SCD5: variants seen among roughly 807,000 people sequenced by gnomAD.
SCD5 encodes acyl-CoA-desaturase 4.
SCD5 carries 20 observed loss-of-function variants against 30.4 expected under a neutral mutation model. The observed-to-expected ratio is 0.66, with a 90% CI of 0.46 to 0.96. The LOEUF (loss-of-function observed/expected upper bound fraction) is 0.96. SCD5 is among the 40% of genes least tolerant of loss of function. SCD5 has a pLI of 0.00. For synonymous variants in SCD5, 173 were observed against 176.4 expected (o/e 0.98, Z 0.16); for missense variants, 381 against 443.3 (o/e 0.86, Z 1.26).
intron 3 of SCD5, among the ~76,000 whole-genome samples, chr4:82,657,818 C>T (rs1049582384): frequency 1.3e-5 from 2 of 152,134 alleles, no homozygotes; most frequent in African/African-American, 2.4e-5. Flanking sequence ...CCTTCACATC[C>T]CTTGTGAGTT....
At chr4:82,724,403 G>C (rs7656885) in intron 1 of SCD5, among the ~76,000 whole-genome samples, 17,307 of 152,116 alleles carry the variant, frequency 0.11, 1,233 homozygotes, top group African/African-American at 0.2. Context: ...GATTGCTGGA[G>C]CCCAGGAGTT....
At chr4:82,699,912 G>A (rs1053603447) in intron 2 of SCD5, among the ~76,000 whole-genome samples, 33 of 151,606 alleles carry the variant, frequency 2.2e-4, no homozygotes, top group South Asian at 6.3e-4. Flanking sequence ...CGCCTGCCTC[G>A]GCCTCCCAAA....
intron 3 of SCD5, among the ~76,000 whole-genome samples, chr4:82,658,959 G>T (rs1388479775): frequency 3.3e-5 from 5 of 151,974 alleles, no homozygotes; most frequent in Non-Finnish European, 7.4e-5. Context: ...GAATCCCTCT[G>T]GTCCTTGGCT....
chr4:82,700,739 A>G (rs536173197), intron 2 of SCD5, among the ~76,000 whole-genome samples: 5 of 135,094 alleles, frequency 3.7e-5, no homozygotes, highest in South Asian at 2.6e-4. Flanking sequence ...GTGAGCCATG[A>G]TTGCTCCACT....
chr4:82,701,341 AAAGT>A (rs1453185949), intron 2 of SCD5, among the ~76,000 whole-genome samples: 2 of 152,230 alleles, frequency 1.3e-5, no homozygotes, highest in African/African-American at 4.8e-5. Flanking sequence ...ACACAAATAA[AAAGT>A]AAGAAAAAGA....
At chr4:82,658,402 G>T (rs1727910084) in intron 3 of SCD5, among the ~76,000 whole-genome samples, 1 of 150,492 alleles carries the variant, frequency 6.6e-6, no homozygotes, top group Non-Finnish European at 1.5e-5. Context: ...TACGTTTATT[G>T]ATATGTGTAT....
intron 3 of SCD5, among the ~76,000 whole-genome samples, chr4:82,648,631 T>C (rs1382222181): frequency 6.6e-6 from 1 of 152,202 alleles, no homozygotes; most frequent in Non-Finnish European, 1.5e-5. Context: ...TCCTTATATT[T>C]ACTTATTAAA....
chr4:82,753,541 C>A (rs376448257), intron 1 of SCD5: 5 of 425,668 alleles, frequency 1.2e-5, no homozygotes, highest in Admixed American at 9.7e-5. Context: ...GAGTCACCTG[C>A]GGGGAAGGGT....
intron 1 of SCD5, among the ~76,000 whole-genome samples, chr4:82,778,420 T>G (rs1283516480): frequency 1.3e-5 from 2 of 152,238 alleles, no homozygotes; most frequent in Non-Finnish European, 2.9e-5. Flanking sequence ...ATGTATTATT[T>G]ACAGTTCTAC....
chr4:82,780,037 G>T (rs1416626202), intron 1 of SCD5, among the ~76,000 whole-genome samples: 1 of 152,190 alleles, frequency 6.6e-6, no homozygotes, highest in Non-Finnish European at 1.5e-5. Context: ...TTACTTCATA[G>T]AGTTACTATG....
intron 1 of SCD5, among the ~76,000 whole-genome samples, chr4:82,707,382 T>C (rs1432060914): frequency 1.3e-5 from 2 of 152,178 alleles, no homozygotes; most frequent in Admixed American, 1.3e-4. Context: ...AAAAAATATA[T>C]GGAGCAGCCT....
rs72658996 is a variant in SCD5 at position 82,631,211 on chromosome 4, C to T, written c.*116G>A. The T allele has an allele frequency of 0.21, 153,520 of 741,578 alleles. 18,841 individuals carry two copies. Among genetic ancestry groups the T allele is most frequent in the African/African-American group, 0.44 (24,330 of 55,696 alleles). The allele number at this position is 741,578 out of a possible 1,614,324, so 45.9% of individuals were successfully genotyped here. ...CAAAAACATTCCCAAACCACATTGA[C>T]TCGTTCCTTCCCCACCCTCTGCCCC... On this transcript the variant is annotated 3_prime_UTR_variant, in exon 5 of 5. Coordinates refer to ENST00000319540, the MANE Select transcript of SCD5 (RefSeq NM_001037582.3).
chr4:82,682,441 GAATTA>G (rs1363853113), intron 2 of SCD5, among the ~76,000 whole-genome samples: 1 of 152,012 alleles, frequency 6.6e-6, no homozygotes, highest in East Asian at 1.9e-4. Flanking sequence ...TTGAGAAGAT[GAATTA>G]AATTGGGAAG....
At chr4:82,696,476 G>A (rs1719697948) in intron 2 of SCD5, among the ~76,000 whole-genome samples, 1 of 152,208 alleles carries the variant, frequency 6.6e-6, no homozygotes, top group Admixed American at 6.5e-5. Flanking sequence ...GTGTCTGTTA[G>A]ATCTGTTTCA....
chr4:82,712,277 T>TATACAC (rs1720118075), intron 1 of SCD5, among the ~76,000 whole-genome samples: 1 of 48,958 alleles, frequency 2.0e-5, no homozygotes, highest in Non-Finnish European at 3.5e-5. Context: ...TATATATATA[T>TATACAC]ATATATATAT....
At chr4:82,666,183 A>G (rs1728182914) in intron 3 of SCD5, among the ~76,000 whole-genome samples, 1 of 152,218 alleles carries the variant, frequency 6.6e-6, no homozygotes, top group Non-Finnish European at 1.5e-5. Context: ...AAAAAAGAAG[A>G]GACACTAAAA....
intron 3 of SCD5, among the ~76,000 whole-genome samples, chr4:82,650,277 T>C (rs934745470): frequency 1.3e-5 from 2 of 152,186 alleles, no homozygotes; most frequent in East Asian, 3.8e-4. Flanking sequence ...TATTTTAATA[T>C]AAAATGATAA....
At chr4:82,685,681 C>T (rs1203661161) in intron 2 of SCD5, among the ~76,000 whole-genome samples, 2 of 151,170 alleles carry the variant, frequency 1.3e-5, no homozygotes, top group Admixed American at 6.6e-5. Context: ...CACTGCACTC[C>T]AGCCTGGGTG....
At chr4:82,634,681 C>A (rs1002418289) in intron 4 of SCD5, among the ~76,000 whole-genome samples, 8 of 152,252 alleles carry the variant, frequency 5.3e-5, no homozygotes, top group South Asian at 2.1e-4. Context: ...GACTTATAAC[C>A]AATACCTAGC....
Sources: allele counts gnomAD v4.1 joint callset (sites outside exome capture counted in the v4.1 genomes callset), GRCh38; gene constraint gnomAD v4.1.1; transcripts MANE v1.5; gene names NCBI Gene and HGNC (gene_info 2026-07-23, HGNC 2026-07-21).